The following ATG7 variants were observed in gnomAD, a reference collection of about 807,000 sequenced individuals.
The protein encoded by ATG7 is autophagy related 7.
ATG7 carries 70 observed loss-of-function variants against 82.4 expected under a neutral mutation model. The ratio of observed to expected loss-of-function variants is 0.85; its 90% CI spans 0.70 to 1.04. The LOEUF is 1.04. ATG7 is among the 50% of genes least tolerant of loss of function. The probability of loss-of-function intolerance (pLI) is 0.00; values close to 1 mark genes in which losing one functional copy is unlikely to be tolerated. For missense variants in ATG7, 792 were observed against 864.3 expected (o/e 0.92, Z 1.05); for synonymous variants, 287 against 313.0 (o/e 0.92, Z 0.88).
chr3:11,410,864 T>C lies in ATG7; in HGVS notation c.1957-15940T>C, dbSNP rs56225013. 4.0e-3 allele frequency among the ~76,000 whole-genome samples: 616 copies of C among 152,366 alleles called. 4 individuals are homozygous for C. The highest frequency in any genetic ancestry group is 0.014 in the African/African-American group (565 of 41,586). ...TTAGCTATTGTGAATAATGCTGTTA[T>C]GTACATGAGTGTACAACTATTTCTT... On this transcript the variant is annotated intron_variant, in intron 19 of 20. Coordinates refer to ENST00000693202, the MANE Select transcript of ATG7 (RefSeq NM_001349232.2).
chr3:11,341,365 T>C (rs1001678485), intron 12 of ATG7, among the ~76,000 whole-genome samples: 1 of 151,846 alleles, frequency 6.6e-6, no homozygotes, highest in African/African-American at 2.4e-5. Context: ...CAGCCCTTAT[T>C]GGCCCACCTT....
chr3:11,335,678 C>T lies in ATG7; in HGVS notation c.889+2585C>T, dbSNP rs915797081. Among the ~76,000 whole-genome samples the T allele has an allele frequency of 1.3e-5, 2 of 152,270 alleles. 1 individual carries two copies. Among genetic ancestry groups the T allele is most frequent in the Admixed American group, 1.3e-4 (2 of 15,284 alleles). On this transcript the variant is annotated intron_variant, in intron 11 of 20. Transcript: ENST00000693202. ...ACATCCTACTCTCTATGATAAGGCT[C>T]ATGCTTGATGATGCTGACATTTTTT...
chr3:11,524,712 A>T (rs2092528113), intron 20 of ATG7, among the ~76,000 whole-genome samples: 2 of 152,174 alleles, frequency 1.3e-5, no homozygotes, highest in African/African-American at 4.8e-5. Flanking sequence ...AGTTGAGCCC[A>T]CAAGTTGGAG....
intron 20 of ATG7, among the ~76,000 whole-genome samples, chr3:11,440,605 T>A (rs1422134200): frequency 6.8e-6 from 1 of 146,778 alleles, no homozygotes; most frequent in African/African-American, 2.5e-5. Context: ...ATTACAGGCG[T>A]GAGCCACCGC....
At chr3:11,331,227 A>AT in intron 9 of ATG7, 113 bp from the exon 10 acceptor site, 1 of 874,670 alleles carries the variant, frequency 1.1e-6, no homozygotes, top group Non-Finnish European at 1.9e-6. Flanking sequence ...CAGATGTTTA[A>AT]TTTTTAAGGC....
chr3:11,395,452 ACT>A (rs879620866), intron 19 of ATG7, among the ~76,000 whole-genome samples: 343 of 152,290 alleles, frequency 2.3e-3, no homozygotes, highest in Non-Finnish European at 2.6e-3. Flanking sequence ...TCATAATCAA[ACT>A]TCAGAAAATG....
intron 15 of ATG7, 109 bp from the exon 16 acceptor site, chr3:11,360,472 A>G: frequency 9.1e-7 from 1 of 1,095,752 alleles, no homozygotes; most frequent in Non-Finnish European, 1.3e-6. Flanking sequence ...ATCTAATTAC[A>G]CTTACATGCA....
At chr3:11,295,161 C>T (rs766885988) in intron 3 of ATG7, among the ~76,000 whole-genome samples, 8 of 152,128 alleles carry the variant, frequency 5.3e-5, no homozygotes, top group African/African-American at 1.4e-4. Context: ...TGTTGGAAAA[C>T]GCTTGGTCAG....
rs930904125 is a variant in ATG7 at position 11,440,918 on chromosome 3, A to G, written c.2079+13992A>G. Among the ~76,000 whole-genome samples the G allele has an allele frequency of 4.0e-5, 6 of 149,508 alleles. No individual in the cohort carries two copies. In the East Asian group the frequency reaches 1.2e-3, roughly 30 times the overall value. ...AGGCTGGTCTCAAACTCCTGACCTCAGGTGATCCACCTGCCTCGGCCTCCC... is the reference window on the plus strand; with the variant it reads ...AGGCTGGTCTCAAACTCCTGACCTCGGGTGATCCACCTGCCTCGGCCTCCC... On this transcript the variant is annotated intron_variant, in intron 20 of 20. Coordinates refer to ENST00000693202, the MANE Select transcript of ATG7 (RefSeq NM_001349232.2).
intron 13 of ATG7, among the ~76,000 whole-genome samples, chr3:11,345,545 A>G (rs1458919573): frequency 6.6e-6 from 1 of 152,202 alleles, no homozygotes; most frequent in Non-Finnish European, 1.5e-5. Flanking sequence ...ATTAATTGAC[A>G]TAAAATACAT....
Position 11,358,469 on chromosome 3 carries a change from T to C in ATG7, c.1336T>C (p.Phe446Leu), listed in dbSNP as rs753926571. ...ACCTATGCCTGGGCATCCAGTGAAC[T>C]TCTCCAGTGTCACTCTGGAGCAAGC... is the stretch of plus-strand genomic sequence containing the variant. ...SIPMPGHPVN[F>L]SSVTLEQARR... The change falls in exon 15 of 21, where the codon TTC becomes CTC. Residue 446 changes from phenylalanine to leucine, a missense_variant. Coordinates refer to ENST00000693202, the MANE Select transcript of ATG7 (RefSeq NM_001349232.2). The C allele has an allele frequency of 2.5e-6, 4 of 1,614,026 alleles. No individual in the cohort carries two copies. In the South Asian group the frequency reaches 3.3e-5, roughly 13 times the overall value.
chr3:11,465,536 G>C (rs2086743625), intron 20 of ATG7, among the ~76,000 whole-genome samples: 1 of 151,838 alleles, frequency 6.6e-6, no homozygotes, highest in Non-Finnish European at 1.5e-5. Context: ...CTTGAGGCTA[G>C]GAGTGTGAGA....
chr3:11,276,713 T>C (rs1398065555), intron 1 of ATG7, among the ~76,000 whole-genome samples: 1 of 152,218 alleles, frequency 6.6e-6, no homozygotes, highest in East Asian at 1.9e-4. Flanking sequence ...ATTATCTCTC[T>C]GGCCATTTGT....
chr3:11,523,464 G>A (rs2092493616), intron 20 of ATG7, among the ~76,000 whole-genome samples: 1 of 152,226 alleles, frequency 6.6e-6, no homozygotes, highest in Admixed American at 6.5e-5. Context: ...CTTGTTCCCG[G>A]ACAACCCATT....
chr3:11,338,289 G>C (rs573487034), intron 11 of ATG7, among the ~76,000 whole-genome samples: 1 of 152,064 alleles, frequency 6.6e-6, no homozygotes, highest in African/African-American at 2.4e-5. Context: ...ACATGATCTC[G>C]TTCTTTTTTT....
intron 20 of ATG7, among the ~76,000 whole-genome samples, chr3:11,460,557 G>T (rs1184699851): frequency 6.6e-6 from 1 of 152,156 alleles, no homozygotes; most frequent in Non-Finnish European, 1.5e-5. Flanking sequence ...TGGCTTCTGA[G>T]GTTATTTTCC....
At chr3:11,392,505 T>C (rs1247597619) in intron 19 of ATG7, among the ~76,000 whole-genome samples, 2 of 149,594 alleles carry the variant, frequency 1.3e-5, no homozygotes, top group Non-Finnish European at 3.0e-5. Context: ...AAACAAAAGC[T>C]TAGGTATCAT....
chr3:11,365,462 T>G (rs2076537597), intron 18 of ATG7, among the ~76,000 whole-genome samples: 1 of 152,178 alleles, frequency 6.6e-6, no homozygotes, highest in South Asian at 2.1e-4. Context: ...TCATTTTCAT[T>G]ACTATATTTT....
chr3:11,329,645 A>G (rs1287050908), intron 9 of ATG7, among the ~76,000 whole-genome samples: 1 of 152,230 alleles, frequency 6.6e-6, no homozygotes, highest in African/African-American at 2.4e-5. Flanking sequence ...TTTTATTAAA[A>G]TAAACTTTTT....
Sources: gnomAD v4.1 joint callset for allele counts (sites outside exome capture counted in the v4.1 genomes callset) on GRCh38, gnomAD v4.1.1 for gene constraint, MANE v1.5 for transcripts, NCBI Gene and HGNC (gene_info 2026-07-23, HGNC 2026-07-21) for gene names.